Variants in DIS3 observed in about 807,000 individuals in gnomAD.
DIS3 encodes the protein DIS3 exosome endoribonuclease and 3'-5' exoribonuclease, also known as exosome complex exonuclease RRP44.
A neutral mutation model predicts 113.0 loss-of-function variants in DIS3; 103 were observed. That is an observed-to-expected ratio of 0.91 (90% CI 0.78 to 1.07). The LOEUF is 1.07. Ranked by LOEUF, DIS3 falls within the 50% of genes least tolerant of loss-of-function variation. DIS3 has a pLI of 0.00. For missense variants in DIS3, 1,121 were observed against 1,167.1 expected (o/e 0.96, Z 0.58); for synonymous variants, 402 against 394.3 (o/e 1.02, Z -0.23).
Position 72,778,376 on chromosome 13 carries a change from T to A in DIS3, c.391A>T (p.Thr131Ser), listed in dbSNP as rs1566251991. The A allele has an allele frequency of 6.5e-7, 1 of 1,549,844 alleles. No homozygotes were observed. ...YTFTNEHHRE[T>S]YVEQEQGENA... ...TCTCCCTGTTCTTGTTCTACATAGG[T>A]TTCTCTAAATGGAAAGAAAAAACGA... Residue 131 changes from threonine to serine, a missense_variant, in exon 3 of 21, where the codon ACC becomes TCC. Physicochemically the swap from Thr to Ser is moderately conservative, Grantham distance 58. Around this residue, in one of 3 missense-constraint regions of DIS3, gnomAD observed 254 missense variants for 232.2 expected, o/e 1.09. Transcript: ENST00000377767.
At chr13:72,769,653 T>C (rs553449833) in intron 13 of DIS3, among the ~76,000 whole-genome samples, 1 of 152,310 alleles carries the variant, frequency 6.6e-6, no homozygotes, top group African/African-American at 2.4e-5. Flanking sequence ...TTTTATGTTA[T>C]ATATTCACTA....
At chr13:72,772,862 G>C in intron 8 of DIS3, 23 bp from the exon 9 acceptor site, 1 of 1,567,702 alleles carries the variant, frequency 6.4e-7, no homozygotes, top group Non-Finnish European at 8.6e-7. Flanking sequence ...GGCATTATTA[G>C]AAACGCCTAT....
chr13:72,768,474 A>C (rs2033805599), intron 14 of DIS3, among the ~76,000 whole-genome samples: 1 of 152,164 alleles, frequency 6.6e-6, no homozygotes, highest in African/African-American at 2.4e-5. Flanking sequence ...ACAAGGTGAA[A>C]CTCCATATCT....
Position 72,778,186 on chromosome 13 carries a change from C to A in DIS3, c.580+1G>T, listed in dbSNP as rs759564669. 4 of 1,573,734 alleles carry A rather than the reference C, an allele frequency of 2.5e-6. No individual in the cohort carries two copies. In the Admixed American group the frequency reaches 6.7e-5, roughly 26 times the overall value. ...CTAAGTACTTCTACATTTAGACTTA[C>A]AAGTGAAAGCTGGTATTCCTTCTTC... On this transcript the variant is annotated splice_donor_variant, in intron 3 of 20. Transcript: ENST00000377767. LOFTEE classifies it high-confidence loss of function.
rs746553161 is a variant in DIS3, at chr13:72,753,679, T to G, written c.*6116A>C. 6.2e-7 allele frequency: 1 copy of G among 1,600,328 alleles called. No individual in the cohort carries two copies. Among genetic ancestry groups the G allele is most frequent in the South Asian group, 1.1e-5 (1 of 86,988 alleles). Reference sequence around the variant, plus strand: ...CCTCACAATATATTTTTTTCTTTTTTCTCCTGTCAGATGGATAGTGGCTAT... The same window carrying G: ...CCTCACAATATATTTTTTTCTTTTTGCTCCTGTCAGATGGATAGTGGCTAT... On this transcript the variant is annotated 3_prime_UTR_variant, in exon 21 of 21. Transcript: ENST00000377767.
At position 72,771,156 on chromosome 13, in the gene DIS3, TA is replaced by T. The variant is rs1472983619; in HGVS notation, c.1606-12del. 3.7e-6 allele frequency: 6 copies of T among 1,610,232 alleles called. No homozygotes were observed. Among genetic ancestry groups the T allele is most frequent in the Non-Finnish European group, 5.1e-6 (6 of 1,177,526 alleles). On this transcript the variant is annotated splice_polypyrimidine_tract_variant and intron_variant, in intron 11 of 20. Coordinates refer to ENST00000377767, the MANE Select transcript of DIS3 (RefSeq NM_014953.5). ...AACCATGTCAATCCTCTGCAAAAGA[TA>T]AAAATAGAACCACAGATTACTTAGC... is the stretch of plus-strand genomic sequence containing the variant.
In DIS3 at chr13:72,772,779, A is replaced by G; in HGVS notation, c.1300T>C (p.Leu434=). The G allele has an allele frequency of 6.2e-7, 1 of 1,613,394 alleles. No individual in the cohort carries two copies. Among genetic ancestry groups the G allele is most frequent in the Non-Finnish European group, 8.5e-7 (1 of 1,179,854 alleles). ...GEKETETEVL[L]LEHDVPHQPF... ...TGATGGGGAACATCGTGTTCAAGTA[A>G]CAAAACTTCTGTTTCAGTCTCTTTC... Residue 434 remains leucine (L), a synonymous_variant, in exon 9 of 21, where the codon TTA becomes CTA. Coordinates refer to ENST00000377767, the MANE Select transcript of DIS3 (RefSeq NM_014953.5).
chr13:72,773,245 G>C (rs778988423), intron 8 of DIS3, among the ~76,000 whole-genome samples: 1 of 152,162 alleles, frequency 6.6e-6, no homozygotes, highest in Non-Finnish European at 1.5e-5. Flanking sequence ...GGCTGAGGTG[G>C]GTGGATCACT....
rs1179462224 is a variant in DIS3, at chr13:72,770,891, C to T, written c.1755+13G>A. ...AAGTTTAAAAATTAGAGATTAATAG[C>T]CATGAAACGAACCTTTGAATTAATA... On this transcript the variant is annotated intron_variant, in intron 13 of 20. Coordinates refer to ENST00000377767, the MANE Select transcript of DIS3 (RefSeq NM_014953.5). 6.4e-7 allele frequency: 1 copy of T among 1,565,970 alleles called. No individual in the cohort carries two copies. Among genetic ancestry groups the T allele is most frequent in the African/African-American group, 1.4e-5 (1 of 73,084 alleles).
Position 72,755,278 on chromosome 13 carries a change from G to A in DIS3, c.*4517C>T. 1 of 1,380,750 alleles carries A rather than the reference G, an allele frequency of 7.2e-7. No homozygotes were observed. Among genetic ancestry groups the A allele is most frequent in the Non-Finnish European group, 1.0e-6 (1 of 976,368 alleles). The allele number at this position is 1,380,750 out of a possible 1,614,324, so 85.5% of individuals were successfully genotyped here. On this transcript the variant is annotated 3_prime_UTR_variant, in exon 21 of 21. Transcript: ENST00000377767. ...TTCCTCGCATATATCGTTGTGCACAGGATCAACATGATGGTGACTGGGAAA... is the reference window on the plus strand; with the variant it reads ...TTCCTCGCATATATCGTTGTGCACAAGATCAACATGATGGTGACTGGGAAA...
chr13:72,753,918 A>T lies in DIS3; in HGVS notation c.*5877T>A. On this transcript the variant is annotated 3_prime_UTR_variant, in exon 21 of 21. Transcript: ENST00000377767. ...AATAGTACTATTGAGAAACTATATG[A>T]AATTTAAAACACTAAAAGGTAAGCC... The T allele has an allele frequency of 1.6e-6, 2 of 1,239,464 alleles. No individual in the cohort carries two copies. Among genetic ancestry groups the T allele is most frequent in the Non-Finnish European group, 2.2e-6 (2 of 904,004 alleles). The allele number at this position is 1,239,464 out of a possible 1,614,324, so 76.8% of individuals were successfully genotyped here. A position where few individuals can be genotyped will look rare whatever the true frequency, so the allele number is the denominator to read the frequency against.
In DIS3 at chr13:72,754,043, G is replaced by A; in HGVS notation, c.*5752C>T. On this transcript the variant is annotated 3_prime_UTR_variant, in exon 21 of 21. Coordinates refer to ENST00000377767, the MANE Select transcript of DIS3 (RefSeq NM_014953.5). Reference sequence around the variant, plus strand: ...TGTGCAAAGGTAGCGTGTATTTGATGAGGGCATTTACTGAACCTTCCAGGT... The same window carrying A: ...TGTGCAAAGGTAGCGTGTATTTGATAAGGGCATTTACTGAACCTTCCAGGT... 2.3e-6 allele frequency: 1 copy of A among 434,794 alleles called. No individual in the cohort carries two copies. Among genetic ancestry groups the A allele is most frequent in the Non-Finnish European group, 4.0e-6 (1 of 247,606 alleles). 26.9% of individuals were successfully genotyped at this position (434,794 alleles called of 1,614,324 possible). A position where few individuals can be genotyped will look rare whatever the true frequency, so the allele number is the denominator to read the frequency against.
chr13:72,761,785 A>G lies in DIS3; in HGVS notation c.2372T>C (p.Leu791Ser). The G allele has an allele frequency of 6.2e-7, 1 of 1,613,482 alleles. No homozygotes were observed. The highest frequency in any genetic ancestry group is 8.5e-7 in the Non-Finnish European group (1 of 1,179,882). The change falls in exon 18 of 21, where the codon TTG becomes TCG. Residue 791 changes from leucine (L) to serine (S), a missense_variant. Leu to Ser is a moderately radical substitution (Grantham distance 145). Transcript: ENST00000377767. ...ACAGTCAGCCCCAATAGCCACAGCC[A>G]AAAGCCGATGAACAATGACATCTGC... ...RYADVIVHRL[L>S]AVAIGADCTY...
At chr13:72,772,123 C>T (rs1249685411) in intron 10 of DIS3, 36 bp downstream of exon 10, 4 of 1,526,642 alleles carry the variant, frequency 2.6e-6, no homozygotes. Flanking sequence ...CAGAACAGAA[C>T]TATATTTAGG....
chr13:72,771,690 G>T, intron 11 of DIS3, 105 bp downstream of exon 11: 1 of 1,106,312 alleles, frequency 9.0e-7, no homozygotes, highest in Non-Finnish European at 1.3e-6. Flanking sequence ...TATATTTAGT[G>T]ATTTAAAGCC....
chr13:72,767,968 C>T (rs898716969), intron 14 of DIS3, among the ~76,000 whole-genome samples: 2 of 152,168 alleles, frequency 1.3e-5, no homozygotes, highest in African/African-American at 4.8e-5. Flanking sequence ...AGTTAATACT[C>T]TATACCTTAC....
chr13:72,756,083 A>G lies in DIS3; in HGVS notation c.*3712T>C, dbSNP rs1361216885. 1 of 397,486 alleles carries G rather than the reference A, an allele frequency of 2.5e-6. No individual in the cohort carries two copies. The highest frequency in any genetic ancestry group is 4.4e-6 in the Non-Finnish European group (1 of 225,712). The allele number at this position is 397,486 out of a possible 1,614,324, so 24.6% of individuals were successfully genotyped here. On this transcript the variant is annotated 3_prime_UTR_variant, in exon 21 of 21. Transcript: ENST00000377767. ...AAAAACTTATATCCATGTTGGGAGT[A>G]GATGGGTATATAACAGTTTGGAAAT...
chr13:72,772,095 T>G, intron 10 of DIS3, 64 bp downstream of exon 10: 1 of 1,413,490 alleles, frequency 7.1e-7, no homozygotes, highest in Non-Finnish European at 9.8e-7. Flanking sequence ...TCTATTCTAG[T>G]TCAAAAGAAA....
Position 72,760,671 on chromosome 13 carries a change from T to C in DIS3, c.2671-20A>G, listed in dbSNP as rs367680218. The C allele has an allele frequency of 3.8e-5, 61 of 1,608,320 alleles. No individual in the cohort carries two copies. The African/African-American group carries it at 7.2e-4, about 19-fold the overall frequency. ...GGGTATCTAAACAAAACACATTTTA[T>C]CATTCTTAATTGCTTCCTTACATTT... On this transcript the variant is annotated intron_variant, in intron 19 of 20. Coordinates refer to ENST00000377767, the MANE Select transcript of DIS3 (RefSeq NM_014953.5).
Sources: gnomAD v4.1 joint callset for allele counts (sites outside exome capture counted in the v4.1 genomes callset) on GRCh38, gnomAD v4.1.1 for gene constraint, gnomAD v4.1.1 regional missense constraint, MANE v1.5 for transcripts, NCBI Gene and HGNC (gene_info 2026-07-23, HGNC 2026-07-21) for gene names.